The following ATXN7L1 variants were observed in gnomAD, a reference collection of about 807,000 sequenced individuals.
ATXN7L1 encodes ataxin 7 like 1.
Under a neutral mutation model 70.8 loss-of-function variants are expected in ATXN7L1, and 15 were observed. The ratio of observed to expected loss-of-function variants is 0.21; its 90% CI spans 0.14 to 0.33. The LOEUF is 0.33. Ranked by LOEUF, ATXN7L1 falls within the 10% of genes least tolerant of loss-of-function variation. The probability of loss-of-function intolerance (pLI) is 1.00; values close to 1 mark genes in which losing one functional copy is unlikely to be tolerated. For missense variants in ATXN7L1, 975 were observed against 1,097.1 expected (o/e 0.89, Z 1.57); for synonymous variants, 440 against 445.1 (o/e 0.99, Z 0.14).
At chr7:105,802,986 T>C (rs1330334207) in intron 2 of ATXN7L1, among the ~76,000 whole-genome samples, 1 of 152,242 alleles carries the variant, frequency 6.6e-6, no homozygotes, top group Non-Finnish European at 1.5e-5. Flanking sequence ...CCCATCTTTC[T>C]AGAAGGGTCA....
chr7:105,725,725 C>A (rs1795728997), intron 3 of ATXN7L1, among the ~76,000 whole-genome samples: 1 of 151,990 alleles, frequency 6.6e-6, no homozygotes, highest in African/African-American at 2.4e-5. Context: ...AGATTACAGG[C>A]ATTCACCACA....
intron 3 of ATXN7L1, chr7:105,679,062 G>C (rs1805171463): frequency 1.0e-6 from 1 of 985,688 alleles, no homozygotes; most frequent in African/African-American, 1.7e-5. Context: ...ACATCCCGGG[G>C]AGGCTGCCTT....
intron 2 of ATXN7L1, among the ~76,000 whole-genome samples, chr7:105,847,767 T>C (rs963851515): frequency 6.6e-6 from 1 of 152,228 alleles, no homozygotes; most frequent in Non-Finnish European, 1.5e-5. Context: ...CTAATATATA[T>C]GAAAAGTGCC....
intron 2 of ATXN7L1, among the ~76,000 whole-genome samples, chr7:105,844,907 A>C (rs1242470655): frequency 1.3e-5 from 2 of 152,170 alleles, no homozygotes; most frequent in African/African-American, 4.8e-5. Flanking sequence ...AAGAACATAC[A>C]TAAGAATCAG....
At chr7:105,781,420 A>G (rs1026873302) in intron 3 of ATXN7L1, among the ~76,000 whole-genome samples, 1 of 152,196 alleles carries the variant, frequency 6.6e-6, no homozygotes, top group African/African-American at 2.4e-5. Context: ...ATTTTTTTCC[A>G]GTATAGGCAC....
In ATXN7L1 at chr7:105,659,519, A is replaced by G. The variant is rs114043320; in HGVS notation, c.578+5547T>C. ...CGGGGATTAAAAGAAAGGCGATAGC[A>G]TATCAGGTTGTTGGCAAGGAGGAAG... On this transcript the variant is annotated intron_variant, in intron 4 of 11. Coordinates refer to ENST00000419735, the MANE Select transcript of ATXN7L1 (RefSeq NM_020725.2). 6.0e-3 allele frequency among the ~76,000 whole-genome samples: 915 copies of G among 152,328 alleles called. 9 individuals carry two copies. Among genetic ancestry groups the G allele is most frequent in the African/African-American group, 0.021 (865 of 41,576 alleles).
Position 105,678,211 on chromosome 7 carries a change from C to T in ATXN7L1, c.356-12923G>A, listed in dbSNP as rs116114806. Among the ~76,000 whole-genome samples, 1,028 of 151,912 alleles carry T rather than the reference C, an allele frequency of 6.8e-3. 15 individuals carry two copies. Among genetic ancestry groups the T allele is most frequent in the African/African-American group, 0.023 (948 of 41,404 alleles). ...ATGATTTAAGATCAACCATCACTAC[C>T]ACACAAACAAAAACCCAGGACAGAA... On this transcript the variant is annotated intron_variant, in intron 3 of 11. Coordinates refer to ENST00000419735, the MANE Select transcript of ATXN7L1 (RefSeq NM_020725.2).
intron 7 of ATXN7L1, among the ~76,000 whole-genome samples, chr7:105,635,349 C>T (rs1013262288): frequency 2.6e-5 from 4 of 152,318 alleles, no homozygotes; most frequent in South Asian, 2.1e-4. Flanking sequence ...CCAGGCCCCT[C>T]GGGCTGGGGG....
chr7:105,857,220 T>C (rs938784644), intron 2 of ATXN7L1, among the ~76,000 whole-genome samples: 2 of 152,148 alleles, frequency 1.3e-5, no homozygotes, highest in Non-Finnish European at 2.9e-5. Flanking sequence ...CTACTAACTA[T>C]CCTTTACTGT....
intron 5 of ATXN7L1, among the ~76,000 whole-genome samples, chr7:105,641,540 A>T (rs796946044): frequency 2.8e-4 from 43 of 152,354 alleles, no homozygotes; most frequent in African/African-American, 1.0e-3. Context: ...ACAACTTCAG[A>T]TGGGGTTACA....
intron 3 of ATXN7L1, among the ~76,000 whole-genome samples, chr7:105,728,439 G>A (rs1333183163): frequency 6.6e-6 from 1 of 152,124 alleles, no homozygotes; most frequent in African/African-American, 2.4e-5. Flanking sequence ...GCAAAGGGAG[G>A]GGACTAGAAT....
At chr7:105,735,110 A>G (rs919001547) in intron 3 of ATXN7L1, among the ~76,000 whole-genome samples, 1 of 152,184 alleles carries the variant, frequency 6.6e-6, no homozygotes, top group Non-Finnish European at 1.5e-5. Context: ...AACAATTTCA[A>G]ATTAAATACC....
chr7:105,737,529 G>T (rs1000556137), intron 3 of ATXN7L1, among the ~76,000 whole-genome samples: 2 of 12,998 alleles, frequency 1.5e-4, no homozygotes, highest in Admixed American at 2.2e-3. Context: ...TAACGTCCCC[G>T]TGTGTGTGTG....
intron 4 of ATXN7L1, among the ~76,000 whole-genome samples, chr7:105,659,585 C>T (rs533639443): frequency 5.9e-5 from 9 of 152,158 alleles, no homozygotes; most frequent in South Asian, 2.1e-4. Flanking sequence ...GCCAGTGAAA[C>T]GGGCAATAAG....
Position 105,853,082 on chromosome 7 carries a change from G to A in ATXN7L1, c.250+22730C>T, listed in dbSNP as rs1259683451. ...AAGGCTGAGGGGAGGCAGGAATGGG[G>A]AATTATTGTTTAATGGGTTTAGAGT... On this transcript the variant is annotated intron_variant, in intron 2 of 11. Transcript: ENST00000419735. Among the ~76,000 whole-genome samples the A allele has an allele frequency of 3.3e-5, 5 of 152,240 alleles. No individual in the cohort carries two copies. The East Asian group carries it at 7.8e-4, about 24-fold the overall frequency.
intron 1 of ATXN7L1, 131 bp downstream of exon 1, chr7:105,876,247 A>T: frequency 1.7e-6 from 2 of 1,191,184 alleles, no homozygotes; most frequent in African/African-American, 1.6e-5. Context: ...ATTTATTTAG[A>T]GAGAGAGGGA....
chr7:105,789,791 C>T (rs560652269), intron 2 of ATXN7L1, among the ~76,000 whole-genome samples: 10 of 152,028 alleles, frequency 6.6e-5, no homozygotes, highest in African/African-American at 2.2e-4. Context: ...AAAGAAGTGA[C>T]GGGATCAGGT....
chr7:105,745,640 C>T (rs961322397), intron 3 of ATXN7L1, among the ~76,000 whole-genome samples: 4 of 152,206 alleles, frequency 2.6e-5, no homozygotes, highest in East Asian at 1.9e-4. Flanking sequence ...TGCATGGCCA[C>T]GCAATGCAAG....
At chr7:105,628,662 G>A (rs960259345) in intron 7 of ATXN7L1, among the ~76,000 whole-genome samples, 7 of 151,628 alleles carry the variant, frequency 4.6e-5, no homozygotes, top group Non-Finnish European at 8.8e-5. Context: ...GCATGGTGGC[G>A]GGCACCTGTA....
Sources: gnomAD v4.1 joint callset for allele counts (sites outside exome capture counted in the v4.1 genomes callset) on GRCh38, gnomAD v4.1.1 for gene constraint, MANE v1.5 for transcripts, NCBI Gene and HGNC (gene_info 2026-07-23, HGNC 2026-07-21) for gene names.